Variants in IMP4 observed in about 807,000 individuals in gnomAD.
The protein encoded by IMP4 is U3 small nucleolar ribonucleoprotein IMP4.
In IMP4, 30 loss-of-function variants were observed where a neutral mutation model predicts 42.7. That is an observed-to-expected ratio of 0.70 (90% CI 0.53 to 0.95). The LOEUF (loss-of-function observed/expected upper bound fraction) is 0.95, where lower values mean the gene tolerates loss of function less well. IMP4 is among the 40% of genes least tolerant of loss of function. The probability of loss-of-function intolerance (pLI) is 0.00; values close to 1 mark genes in which losing one functional copy is unlikely to be tolerated. For synonymous variants in IMP4, 165 were observed against 165.2 expected (o/e 1.00, Z 0.01); for missense variants, 382 against 411.4 (o/e 0.93, Z 0.62).
intron 2 of IMP4, 51 bp from the exon 3 acceptor site, chr2:130,344,578 T>G: frequency 9.4e-6 from 11 of 1,174,184 alleles, no homozygotes; most frequent in Non-Finnish European, 1.4e-5. Flanking sequence ...TTGGATGAGC[T>G]GAGGTCTCCA....
intron 2 of IMP4, among the ~76,000 whole-genome samples, chr2:130,343,598 C>G (rs1679240271): frequency 6.6e-6 from 1 of 151,862 alleles, no homozygotes; most frequent in Admixed American, 6.6e-5. Context: ...AATTAGCCGG[C>G]CGTGGTGGCA....
At position 130,347,082 on chromosome 2, in the gene IMP4, A is replaced by G. The variant is rs777374395; in HGVS notation, c.*614A>G. On this transcript the variant is annotated 3_prime_UTR_variant, in exon 9 of 9. Transcript: ENST00000259239. ...CATTTTCTTACCAATCCGTCCACCA[A>G]TAGACACTTAGGTCGTTTTCATAGT... 6.4e-6 allele frequency: 1 copy of G among 155,866 alleles called. No homozygotes were observed. Among genetic ancestry groups the G allele is most frequent in the African/African-American group, 2.4e-5 (1 of 41,464 alleles). The allele number at this position is 155,866 out of a possible 1,614,324, so 9.7% of individuals were successfully genotyped here.
chr2:130,346,525 GACAGACCC>G lies in IMP4; in HGVS notation c.*60_*67del. 1.7e-6 allele frequency: 2 copies of G among 1,203,070 alleles called. No individual in the cohort carries two copies. Among genetic ancestry groups the G allele is most frequent in the Non-Finnish European group, 2.4e-6 (2 of 832,948 alleles). 74.5% of individuals were successfully genotyped at this position (1,203,070 alleles called of 1,614,324 possible). A position where few individuals can be genotyped will look rare whatever the true frequency, so the allele number is the denominator to read the frequency against. On this transcript the variant is annotated 3_prime_UTR_variant, in exon 9 of 9. Transcript: ENST00000259239. ...TGGAACTCAGGATGGGGCTGTCATA[GACAGACCC>G]ACCAGTAGGAACTGTCACAGAATGG...
At chr2:130,344,270 G>A (rs1679330481) in intron 2 of IMP4, among the ~76,000 whole-genome samples, 1 of 152,048 alleles carries the variant, frequency 6.6e-6, no homozygotes, top group South Asian at 2.1e-4. Flanking sequence ...GGAGCTTGCA[G>A]TGAGCCGAGA....
At chr2:130,346,300 C>T in intron 8 of IMP4, 26 bp downstream of exon 8, 1 of 1,612,854 alleles carries the variant, frequency 6.2e-7, no homozygotes, top group South Asian at 1.1e-5. Flanking sequence ...AATCCCGTGT[C>T]TGGGGTGGGG....
In IMP4 at chr2:130,346,129, T is replaced by C; in HGVS notation, c.689+17T>C. 6.2e-7 allele frequency: 1 copy of C among 1,613,368 alleles called. No individual in the cohort carries two copies. Among genetic ancestry groups the C allele is most frequent in the South Asian group, 1.1e-5 (1 of 91,068 alleles). Reference sequence around the variant, plus strand: ...ATCATTCCGGTGGGTCCACGGGCCATGCCCCAGGAAAGCATCCCCACCCTG... The same window carrying C: ...ATCATTCCGGTGGGTCCACGGGCCACGCCCCAGGAAAGCATCCCCACCCTG... On this transcript the variant is annotated intron_variant, in intron 7 of 8. Transcript: ENST00000259239.
Position 130,345,645 on chromosome 2 carries a change from A to G in IMP4, c.385A>G (p.Lys129Glu). 1 of 1,614,114 alleles carries G rather than the reference A, an allele frequency of 6.2e-7. No homozygotes were observed. The highest frequency in any genetic ancestry group is 8.5e-7 in the Non-Finnish European group (1 of 1,180,030). ...HEVGALVRAC[K>E]ANGVTDLLVV... ...AGTGGGGGCACTGGTGCGAGCCTGCAAAGCCAACGGCGTCACCGATCTGCT... is the reference window on the plus strand; with the variant it reads ...AGTGGGGGCACTGGTGCGAGCCTGCGAAGCCAACGGCGTCACCGATCTGCT... Residue 129 changes from lysine to glutamate, a missense_variant, in exon 5 of 9, where the codon AAA (lysine) becomes GAA (glutamate). By Grantham distance (56) the Lys-to-Glu change is moderately conservative. Transcript: ENST00000259239. The surrounding 1 kb of genome is among the most constrained non-coding windows in gnomAD (Gnocchi z 4.9).
Position 130,345,823 on chromosome 2 carries a change from T to C in IMP4, c.484T>C (p.Phe162Leu), listed in dbSNP as rs1679505201. The C allele has an allele frequency of 6.2e-7, 1 of 1,614,082 alleles. No individual in the cohort carries two copies. Among genetic ancestry groups the C allele is most frequent in the South Asian group, 1.1e-5 (1 of 91,084 alleles). Reference protein sequence around the residue: ...SHLPFGPTAYFTLCNVVMRHD... With the variant: ...SHLPFGPTAYLTLCNVVMRHD... ...CCTGCCCTTTGGTCCTACTGCCTAC[T>C]TCACGCTGTGCAATGTGGTCATGCG... is the stretch of plus-strand genomic sequence containing the variant. The change falls in exon 6 of 9, where the codon TTC becomes CTC. Residue 162 changes from phenylalanine to leucine, a missense_variant. Physicochemically the swap from Phe to Leu is conservative, Grantham distance 22. Coordinates refer to ENST00000259239, the MANE Select transcript of IMP4 (RefSeq NM_033416.3). The surrounding 1 kb of genome is among the most constrained non-coding windows in gnomAD (Gnocchi z 4.9).
rs186198743 is a variant in IMP4 at position 130,346,663 on chromosome 2, C to T, written c.*195C>T. On this transcript the variant is annotated 3_prime_UTR_variant, in exon 9 of 9. Coordinates refer to ENST00000259239, the MANE Select transcript of IMP4 (RefSeq NM_033416.3). ...GAGTGGTCAGGCCAAGTCTGCAGGG[C>T]AAAGCCCATGGGATCCCTTTGGGTG... The T allele has an allele frequency of 1.2e-3, 737 of 611,950 alleles. 4 individuals are homozygous for T. The highest frequency in any genetic ancestry group is 9.0e-3 in the African/African-American group (490 of 54,506). The allele number at this position is 611,950 out of a possible 1,614,324, so 37.9% of individuals were successfully genotyped here. A position where few individuals can be genotyped will look rare whatever the true frequency, so the allele number is the denominator to read the frequency against.
In IMP4 at chr2:130,346,414, C is replaced by T. The variant is rs1679579546; in HGVS notation, c.822C>T (p.Arg274=). 2 of 1,573,832 alleles carry T rather than the reference C, an allele frequency of 1.3e-6. No individual in the cohort carries two copies. Among genetic ancestry groups the T allele is most frequent in the Middle Eastern group, 1.7e-4 (1 of 6,000 alleles). Residue 274 remains arginine (R), a synonymous_variant, in exon 9 of 9, where the codon CGC becomes CGT. Transcript: ENST00000259239. Reference sequence around the variant, plus strand: ...AGGCCACAGCAGACGTGGAGTGGCGCTGGCACCCTTACACCAATACCGCAC... The same window carrying T: ...AGGCCACAGCAGACGTGGAGTGGCGTTGGCACCCTTACACCAATACCGCAC... The part of the protein sequence containing the change: ...EQEATADVEW[R]WHPYTNTARK...
At position 130,346,366 on chromosome 2, in the gene IMP4, C is replaced by A; in HGVS notation, c.774C>A (p.Ile258=). 1 of 1,590,060 alleles carries A rather than the reference C, an allele frequency of 6.3e-7. No individual in the cohort carries two copies. Among genetic ancestry groups the A allele is most frequent in the Non-Finnish European group, 8.6e-7 (1 of 1,168,388 alleles). Residue 258 remains isoleucine, a synonymous_variant, in exon 9 of 9, where the codon ATC becomes ATA. Transcript: ENST00000259239. ...CATCCCTGCCTGCAGTGTACATGATCCGTCTGGGCACGCTGGAGCAGGAGG... is the reference window on the plus strand; with the variant it reads ...CATCCCTGCCTGCAGTGTACATGATACGTCTGGGCACGCTGGAGCAGGAGG... The part of the protein sequence containing the change: ...GPRFELKLYM[I]RLGTLEQEAT...
chr2:130,345,503 G>T lies in IMP4; in HGVS notation c.306+18G>T. 1 of 1,614,052 alleles carries T rather than the reference G, an allele frequency of 6.2e-7. No individual in the cohort carries two copies. The highest frequency in any genetic ancestry group is 8.5e-7 in the Non-Finnish European group (1 of 1,179,964). Reference sequence around the variant, plus strand: ...TTGCAAAGGTACTGGTGAGCAGGGAGTGAGGGAGAGACACCCAGGACACAC... The same window carrying T: ...TTGCAAAGGTACTGGTGAGCAGGGATTGAGGGAGAGACACCCAGGACACAC... On this transcript the variant is annotated intron_variant, in intron 4 of 8. Coordinates refer to ENST00000259239, the MANE Select transcript of IMP4 (RefSeq NM_033416.3). The surrounding 1 kb of genome is among the most constrained non-coding windows in gnomAD (Gnocchi z 4.9).
rs1056731654 is a variant in IMP4 at position 130,347,199 on chromosome 2, A to C, written c.*731A>C. ...TCTCTTTTTTATATGTATACCCAGA[A>C]GTGGGATTGCTGCATCAAATGGTGG... On this transcript the variant is annotated 3_prime_UTR_variant, in exon 9 of 9. Transcript: ENST00000259239. 2 of 152,250 alleles carry C rather than the reference A, an allele frequency of 1.3e-5. No individual in the cohort carries two copies. The highest frequency in any genetic ancestry group is 2.4e-5 in the African/African-American group (1 of 41,452). 9.4% of individuals were successfully genotyped at this position (152,250 alleles called of 1,614,324 possible). A position where few individuals can be genotyped will look rare whatever the true frequency, so the allele number is the denominator to read the frequency against.
At position 130,346,374 on chromosome 2, in the gene IMP4, G is replaced by A. The variant is rs769284714; in HGVS notation, c.782G>A (p.Gly261Asp). Reference sequence around the variant, plus strand: ...CCTGCAGTGTACATGATCCGTCTGGGCACGCTGGAGCAGGAGGCCACAGCA... The same window carrying A: ...CCTGCAGTGTACATGATCCGTCTGGACACGCTGGAGCAGGAGGCCACAGCA... ...FELKLYMIRLGTLEQEATADV... is the reference protein window; with the variant it reads ...FELKLYMIRLDTLEQEATADV... Residue 261 changes from glycine (G) to aspartate (D), a missense_variant, in exon 9 of 9, where the codon GGC (glycine) becomes GAC (aspartate). Coordinates refer to ENST00000259239, the MANE Select transcript of IMP4 (RefSeq NM_033416.3). The A allele has an allele frequency of 2.5e-6, 4 of 1,584,308 alleles. No homozygotes were observed. The East Asian group carries it at 6.9e-5, about 27-fold the overall frequency.
In IMP4 at chr2:130,346,097, A is replaced by G; in HGVS notation, c.674A>G (p.Asp225Gly). 6.2e-7 allele frequency: 1 copy of G among 1,614,166 alleles called. No homozygotes were observed. The highest frequency in any genetic ancestry group is 1.1e-5 in the South Asian group (1 of 91,074). Residue 225 changes from aspartate to glycine, a missense_variant, in exon 7 of 9, where the codon GAC becomes GGC. Transcript: ENST00000259239. Reference protein sequence around the residue: ...HRVITFANQDDYISFRHHVYK... With the variant: ...HRVITFANQDGYISFRHHVYK... ...GTCATCACCTTCGCAAACCAGGACG[A>G]CTACATATCATTCCGGTGGGTCCAC...
chr2:130,342,920 A>G lies in IMP4; in HGVS notation c.-13A>G, dbSNP rs1679122244. ...ACAGATTCTCCCGGACCCACGTGGA[A>G]GCGGCACTCAAGATGGTAGGAGAAT... On this transcript the variant is annotated 5_prime_UTR_variant, in exon 1 of 9. Coordinates refer to ENST00000259239, the MANE Select transcript of IMP4 (RefSeq NM_033416.3). 2 of 1,613,970 alleles carry G rather than the reference A, an allele frequency of 1.2e-6. No homozygotes were observed. The highest frequency in any genetic ancestry group is 1.7e-6 in the Non-Finnish European group (2 of 1,179,980).
Position 130,346,529 on chromosome 2 carries a change from G to C in IMP4, c.*61G>C. On this transcript the variant is annotated 3_prime_UTR_variant, in exon 9 of 9. Coordinates refer to ENST00000259239, the MANE Select transcript of IMP4 (RefSeq NM_033416.3). ...ACTCAGGATGGGGCTGTCATAGACA[G>C]ACCCACCAGTAGGAACTGTCACAGA... The C allele has an allele frequency of 2.6e-6, 3 of 1,153,054 alleles. No individual in the cohort carries two copies. Among genetic ancestry groups the C allele is most frequent in the Non-Finnish European group, 3.8e-6 (3 of 787,822 alleles). 71.4% of individuals were successfully genotyped at this position (1,153,054 alleles called of 1,614,324 possible). A position where few individuals can be genotyped will look rare whatever the true frequency, so the allele number is the denominator to read the frequency against.
At position 130,344,844 on chromosome 2, in the gene IMP4, A is replaced by G. The variant is rs1025728822; in HGVS notation, c.196+132A>G. ...CCCCCATGCCCTTGTCACTGCACAG[A>G]TGGCATTGCAGGGCTCTCCCTGAGT... On this transcript the variant is annotated intron_variant, in intron 3 of 8. Coordinates refer to ENST00000259239, the MANE Select transcript of IMP4 (RefSeq NM_033416.3). The G allele has an allele frequency of 4.4e-6, 3 of 685,920 alleles. No individual in the cohort carries two copies. The African/African-American group carries it at 5.3e-5, about 12-fold the overall frequency. The allele number at this position is 685,920 out of a possible 1,614,324, so 42.5% of individuals were successfully genotyped here.
Position 130,345,149 on chromosome 2 carries a change from A to C in IMP4, c.197-227A>C. On this transcript the variant is annotated intron_variant, in intron 3 of 8. Transcript: ENST00000259239. This position sits in a 1 kb window ranked among gnomAD's most constrained non-coding sequence, Gnocchi z 4.9. ...AGTAGCTGCTTAGCCCCATGTGACTAATATAGCTTAAGCAAACTACAATTA... is the reference window on the plus strand; with the variant it reads ...AGTAGCTGCTTAGCCCCATGTGACTCATATAGCTTAAGCAAACTACAATTA... The C allele has an allele frequency of 1.7e-6, 1 of 586,972 alleles. No individual in the cohort carries two copies. The highest frequency in any genetic ancestry group is 3.0e-6 in the Non-Finnish European group (1 of 328,474). The allele number at this position is 586,972 out of a possible 1,614,324, so 36.4% of individuals were successfully genotyped here.
Sources: allele counts gnomAD v4.1 joint callset (sites outside exome capture counted in the v4.1 genomes callset), GRCh38; gene constraint gnomAD v4.1.1; non-coding constraint Gnocchi (gnomAD v3.1); transcripts MANE v1.5; gene names NCBI Gene and HGNC (gene_info 2026-07-23, HGNC 2026-07-21).